ZNRF1: variants seen among roughly 807,000 people sequenced by gnomAD.
ZNRF1 encodes the protein zinc and ring finger 1.
A neutral mutation model predicts 18.4 loss-of-function variants in ZNRF1; 3 were observed. The ratio of observed to expected loss-of-function variants is 0.16; its 90% CI spans 0.07 to 0.42. ZNRF1 has a LOEUF of 0.42. Ranked by LOEUF, ZNRF1 falls within the 10% of genes least tolerant of loss-of-function variation. ZNRF1 has a pLI of 0.99. For missense variants in ZNRF1, 310 were observed against 329.8 expected, an observed-to-expected ratio of 0.94 and a Z score of 0.47; for synonymous variants, 157 against 144.2, an observed-to-expected ratio of 1.09 and a Z score of -0.64.
At chr16:75,079,473 C>T (rs139436348) in intron 1 of ZNRF1, among the ~76,000 whole-genome samples, 330 of 152,128 alleles carry the variant, frequency 2.2e-3, no homozygotes, top group Admixed American at 4.7e-3. Flanking sequence ...AGCAAGAGTC[C>T]GTCTCAAAAA....
At chr16:75,040,756 G>A (rs1446237326) in intron 1 of ZNRF1, among the ~76,000 whole-genome samples, 10 of 151,562 alleles carry the variant, frequency 6.6e-5, no homozygotes, top group South Asian at 2.1e-4. Context: ...ATGGGTGCGC[G>A]CCACCATGCC....
chr16:75,095,744 C>T (rs887581374), intron 2 of ZNRF1: 18 of 1,527,002 alleles, frequency 1.2e-5, no homozygotes, highest in Admixed American at 2.0e-5. Flanking sequence ...TGTGGAGAAC[C>T]GGGAAGGTGA....
At chr16:75,078,749 T>C (rs182652431) in intron 1 of ZNRF1, among the ~76,000 whole-genome samples, 36 of 152,372 alleles carry the variant, frequency 2.4e-4, no homozygotes, top group Admixed American at 1.9e-3. Flanking sequence ...TGCCCATTTA[T>C]GTGGTCCTCT....
intron 1 of ZNRF1, among the ~76,000 whole-genome samples, chr16:75,085,454 C>A (rs185240939): frequency 6.6e-6 from 1 of 152,192 alleles, no homozygotes; most frequent in East Asian, 1.9e-4. Flanking sequence ...TGGATTGTTA[C>A]CAGTTTTTGC....
intron 1 of ZNRF1, among the ~76,000 whole-genome samples, chr16:75,061,852 T>C (rs2035748673): frequency 6.6e-6 from 1 of 152,190 alleles, no homozygotes; most frequent in Admixed American, 6.5e-5. Context: ...ACCAGGTGCT[T>C]TGCGTCAGCT....
chr16:75,003,603 G>T (rs79712146), intron 1 of ZNRF1, among the ~76,000 whole-genome samples: 1 of 152,120 alleles, frequency 6.6e-6, no homozygotes, highest in African/African-American at 2.4e-5. Flanking sequence ...GTTGGCTGGT[G>T]CCAGAACCTG....
intron 1 of ZNRF1, among the ~76,000 whole-genome samples, chr16:75,021,163 C>T (rs1258331049): frequency 3.3e-5 from 5 of 152,162 alleles, no homozygotes; most frequent in African/African-American, 9.7e-5. Context: ...GCCTCAGCCT[C>T]GCAAGTAGCT....
At chr16:75,014,901 ATAAT>A (rs1334398601) in intron 1 of ZNRF1, among the ~76,000 whole-genome samples, 1 of 152,138 alleles carries the variant, frequency 6.6e-6, no homozygotes. Context: ...ATATTTATCT[ATAAT>A]TAATGTATTA....
At chr16:75,051,039 A>G (rs2035594314) in intron 1 of ZNRF1, among the ~76,000 whole-genome samples, 1 of 64,162 alleles carries the variant, frequency 1.6e-5, no homozygotes, top group South Asian at 6.2e-4. Context: ...CAAAAAGAAA[A>G]AAAAAAAAAA....
chr16:75,003,078 C>T (rs185422630), intron 1 of ZNRF1, among the ~76,000 whole-genome samples: 1 of 152,292 alleles, frequency 6.6e-6, no homozygotes, highest in South Asian at 2.1e-4. Flanking sequence ...CTCAGCCTCC[C>T]GAGTAGCTGG....
chr16:75,015,556 C>T (rs1300697225), intron 1 of ZNRF1, among the ~76,000 whole-genome samples: 1 of 152,156 alleles, frequency 6.6e-6, no homozygotes, highest in East Asian at 1.9e-4. Flanking sequence ...GCCTGGGCAA[C>T]AAGAGTGAAA....
intron 1 of ZNRF1, among the ~76,000 whole-genome samples, chr16:75,021,723 T>A (rs892465629): frequency 2.0e-5 from 3 of 152,206 alleles, no homozygotes; most frequent in Non-Finnish European, 4.4e-5. Flanking sequence ...GAGTTAATGT[T>A]TTTTTCTCTT....
intron 1 of ZNRF1, among the ~76,000 whole-genome samples, chr16:75,091,937 G>T (rs117805804): frequency 6.6e-6 from 1 of 151,996 alleles, no homozygotes; most frequent in South Asian, 2.1e-4. Flanking sequence ...GATGGATTTT[G>T]TATGTTATAA....
chr16:75,103,017 C>T (rs1442249630), intron 2 of ZNRF1, among the ~76,000 whole-genome samples: 1 of 152,208 alleles, frequency 6.6e-6, no homozygotes, highest in East Asian at 1.9e-4. Context: ...CCAGATCAGC[C>T]CCCATCCTGA....
At chr16:75,062,688 T>TGGGTAATG (rs1486907407) in intron 1 of ZNRF1, among the ~76,000 whole-genome samples, 3 of 152,170 alleles carry the variant, frequency 2.0e-5, no homozygotes, top group Non-Finnish European at 4.4e-5. Context: ...CAAGCCACTG[T>TGGGTAATG]GGGTAATGGA....
At chr16:75,079,305 C>A (rs2035981505) in intron 1 of ZNRF1, among the ~76,000 whole-genome samples, 2 of 152,122 alleles carry the variant, frequency 1.3e-5, no homozygotes, top group Non-Finnish European at 2.9e-5. Context: ...CATGGTGAAA[C>A]CCCGTCTCTA....
At chr16:75,025,199 C>T (rs929142474) in intron 1 of ZNRF1, among the ~76,000 whole-genome samples, 2 of 152,204 alleles carry the variant, frequency 1.3e-5, no homozygotes, top group Admixed American at 6.5e-5. Context: ...TCTTGAGTAG[C>T]TGGGACTACA....
chr16:75,085,034 T>A (rs1199316278), intron 1 of ZNRF1, among the ~76,000 whole-genome samples: 1 of 152,222 alleles, frequency 6.6e-6, no homozygotes, highest in Non-Finnish European at 1.5e-5. Flanking sequence ...CAGGTTTTTT[T>A]TCTGGTTGAG....
chr16:75,064,342 G>A (rs2035777260), intron 1 of ZNRF1, among the ~76,000 whole-genome samples: 2 of 151,788 alleles, frequency 1.3e-5, no homozygotes, highest in Non-Finnish European at 2.9e-5. Flanking sequence ...AAACTCCTGA[G>A]GTCAAGCATT....
Sources: gnomAD v4.1 joint callset for allele counts (sites outside exome capture counted in the v4.1 genomes callset) on GRCh38, gnomAD v4.1.1 for gene constraint, MANE v1.5 for transcripts, NCBI Gene and HGNC (gene_info 2026-07-23, HGNC 2026-07-21) for gene names.